Variants in PACRGL observed in about 807,000 individuals in gnomAD.
PACRGL encodes parkin coregulated like, also known as PACRG-like protein.
Under a neutral mutation model 34.5 loss-of-function variants are expected in PACRGL, and 38 were observed. The ratio of observed to expected loss-of-function variants is 1.10; its 90% CI spans 0.85 to 1.44. PACRGL has a LOEUF of 1.44. PACRGL is among the 40% of genes most tolerant of loss of function. PACRGL has a pLI of 0.00. For missense variants in PACRGL, 305 were observed against 281.4 expected, an observed-to-expected ratio of 1.08 and a Z score of -0.60; for synonymous variants, 128 against 100.1, an observed-to-expected ratio of 1.28 and a Z score of -1.66.
At chr4:20,696,543 C>T (rs992722479), upstream of PACRGL, 2 of 152,180 alleles carry the variant, frequency 1.3e-5, no homozygotes, top group Admixed American at 1.3e-4. Flanking sequence ...AAATTGAATA[C>T]TACTATGAAC....
chr4:20,704,944 T>C (rs963238900), intron 3 of PACRGL, 130 bp downstream of exon 3: 2 of 1,019,946 alleles, frequency 2.0e-6, no homozygotes, highest in Non-Finnish European at 2.9e-6. Flanking sequence ...GAAGGGCATG[T>C]GGTTATTATG....
rs149197141 is a variant in PACRGL at position 20,730,114 on chromosome 4, G to A, written c.*2773G>A. On this transcript the variant is annotated 3_prime_UTR_variant, in exon 9 of 9. Coordinates refer to ENST00000503585, the MANE Select transcript of PACRGL (RefSeq NM_001258345.3). ...ACATTTTCAAAGAGCTGCATGGAGC[G>A]CATTATGTTTTCATCCTGTAAGGGA... 43 of 1,607,710 alleles carry A rather than the reference G, an allele frequency of 2.7e-5. No homozygotes were observed. The highest frequency in any genetic ancestry group is 8.0e-5 in the African/African-American group (6 of 74,636).
intron 7 of PACRGL, among the ~76,000 whole-genome samples, chr4:20,723,579 G>T (rs1240610271): frequency 6.6e-6 from 1 of 152,130 alleles, no homozygotes; most frequent in Admixed American, 6.5e-5. Context: ...GTCAAGCAAG[G>T]CTTCCTAAAT....
At chr4:20,745,675 A>G (rs987036844) in intron 8 of PACRGL, among the ~76,000 whole-genome samples, 3 of 152,142 alleles carry the variant, frequency 2.0e-5, no homozygotes, top group Non-Finnish European at 4.4e-5. Context: ...TATCAAGGCA[A>G]AAGGAGAAAG....
At position 20,729,094 on chromosome 4, in the gene PACRGL, T is replaced by TG. The variant is rs1225571049; in HGVS notation, c.*1757dup. Reference sequence around the variant, plus strand: ...CTTGCTGTTTGTTCTTAGTAGACAGTGGGGTAGTCAAGGTTTCTTTCTTTG... The same window carrying TG: ...CTTGCTGTTTGTTCTTAGTAGACAGTGGGGGTAGTCAAGGTTTCTTTCTTTG... On this transcript the variant is annotated 3_prime_UTR_variant, in exon 9 of 9. Transcript: ENST00000503585. The TG allele has an allele frequency of 6.6e-6, 1 of 152,492 alleles. No homozygotes were observed. Among genetic ancestry groups the TG allele is most frequent in the African/African-American group, 2.4e-5 (1 of 41,388 alleles). The allele number at this position is 152,492 out of a possible 1,614,324, so 9.4% of individuals were successfully genotyped here.
In PACRGL at chr4:20,729,173, G is replaced by GAGGAC. The variant is rs1222730657; in HGVS notation, c.*1835_*1839dup. On this transcript the variant is annotated 3_prime_UTR_variant, in exon 9 of 9. Transcript: ENST00000503585. ...CATGCTGTAAGGAAGTCAGGGGAAAGAGGACAGATTTGGCCTTTAATGCTG... is the reference window on the plus strand; with the variant it reads ...CATGCTGTAAGGAAGTCAGGGGAAAGAGGACAGGACAGATTTGGCCTTTAATGCTG... The GAGGAC allele has an allele frequency of 6.6e-6, 1 of 152,564 alleles. No individual in the cohort carries two copies. The highest frequency in any genetic ancestry group is 1.5e-5 in the Non-Finnish European group (1 of 68,024). The allele number at this position is 152,564 out of a possible 1,614,324, so 9.5% of individuals were successfully genotyped here.
chr4:20,763,335 T>C, the PACRGL span, among the ~76,000 whole-genome samples: 1 of 152,286 alleles, frequency 6.6e-6, no homozygotes, highest in African/African-American at 2.4e-5. Flanking sequence ...CTTATTCACA[T>C]AACAATCTTG....
At chr4:20,712,688 G>T in intron 5 of PACRGL, 100 bp from the exon 6 acceptor site, 1 of 1,057,940 alleles carries the variant, frequency 9.5e-7, no homozygotes, top group South Asian at 3.5e-5. Flanking sequence ...AAACAATAAT[G>T]AAATTTTTGA....
At chr4:20,752,790 A>C (rs894272323) in exon 9 of PACRGL, 1 of 152,244 alleles carries the variant, frequency 6.6e-6, no homozygotes, top group African/African-American at 2.4e-5. Flanking sequence ...CCAGCTAGGC[A>C]GAAAACTGGA....
At position 20,749,196 on chromosome 4, in the gene PACRGL, AG is replaced by A. The variant is rs535746263; in HGVS notation, c.*57-3368del. On this transcript the variant is annotated intron_variant, in intron 8 of 8. Transcript: ENST00000507634. The stretch of plus-strand genomic sequence containing the variant: ...AATACGTTCTCTACAGATCACTTAA[AG>A]TTTGTAATTTAAAAAGAGATTTCCT... Among the ~76,000 whole-genome samples the A allele has an allele frequency of 4.2e-3, 591 of 139,366 alleles. 6 individuals are homozygous for A. Among genetic ancestry groups the A allele is most frequent in the African/African-American group, 0.014 (554 of 38,702 alleles). 91.4% of individuals were successfully genotyped at this position (139,366 alleles called of 152,430 possible). A position where few individuals can be genotyped will look rare whatever the true frequency, so the allele number is the denominator to read the frequency against.
chr4:20,740,525 G>A (rs1750808360), intron 8 of PACRGL, among the ~76,000 whole-genome samples: 2 of 152,160 alleles, frequency 1.3e-5, no homozygotes. Context: ...AGCAAATGCT[G>A]AGAGATTTTG....
intron 8 of PACRGL, chr4:20,749,613 A>C (rs780303241): frequency 7.6e-7 from 1 of 1,315,732 alleles, no homozygotes; most frequent in Non-Finnish European, 1.1e-6. Context: ...CCCCCTAAAA[A>C]GACTAAACTC....
chr4:20,758,463 T>C, the PACRGL span, among the ~76,000 whole-genome samples: 357 of 152,218 alleles, frequency 2.3e-3, 8 homozygotes, highest in South Asian at 0.047. Context: ...GATAATTACA[T>C]TTTTCCTAAT....
intron 8 of PACRGL, among the ~76,000 whole-genome samples, chr4:20,741,520 A>G (rs373582447): frequency 2.6e-5 from 4 of 152,216 alleles, no homozygotes; most frequent in East Asian, 1.9e-4. Flanking sequence ...TTTGAAACCA[A>G]TGAGAACAAA....
intron 7 of PACRGL, 73 bp from the exon 8 acceptor site, chr4:20,724,735 G>A: frequency 1.3e-6 from 1 of 798,078 alleles, no homozygotes; most frequent in African/African-American, 1.8e-5. Context: ...TGCTCCTGAA[G>A]ATTTACTTAT....
intron 8 of PACRGL, 61 bp downstream of exon 8, chr4:20,724,949 A>G (rs1745000064): frequency 4.4e-6 from 4 of 919,534 alleles, no homozygotes; most frequent in Non-Finnish European, 6.0e-6. Context: ...TACTAAATTG[A>G]CATATATATA....
chr4:20,727,975 A>AGATGGGATC lies in PACRGL; in HGVS notation c.*635_*643dup, dbSNP rs1746456708. 6.6e-6 allele frequency: 1 copy of AGATGGGATC among 152,360 alleles called. No homozygotes were observed. Among genetic ancestry groups the AGATGGGATC allele is most frequent in the African/African-American group, 2.4e-5 (1 of 41,410 alleles). The allele number at this position is 152,360 out of a possible 1,614,324, so 9.4% of individuals were successfully genotyped here. A position where few individuals can be genotyped will look rare whatever the true frequency, so the allele number is the denominator to read the frequency against. ...AGCTAATTTTGAAATTTGCTTGTAG[A>AGATGGGATC]GATGGGATCTCACTCTGTTGTCCAG... is the stretch of plus-strand genomic sequence containing the variant. On this transcript the variant is annotated 3_prime_UTR_variant, in exon 9 of 9. Coordinates refer to ENST00000503585, the MANE Select transcript of PACRGL (RefSeq NM_001258345.3).
At chr4:20,708,311 A>T (rs1044170449) in intron 4 of PACRGL, among the ~76,000 whole-genome samples, 2 of 146,602 alleles carry the variant, frequency 1.4e-5, no homozygotes, top group African/African-American at 2.5e-5. Context: ...TCAGAACTTT[A>T]AAAAAAAAAT....
chr4:20,732,127 G>C lies in PACRGL; in HGVS notation c.*4786G>C, dbSNP rs1204618299. 2.6e-5 allele frequency: 30 copies of C among 1,149,704 alleles called. No individual in the cohort carries two copies. The highest frequency in any genetic ancestry group is 3.5e-5 in the Non-Finnish European group (27 of 771,978). 71.2% of individuals were successfully genotyped at this position (1,149,704 alleles called of 1,614,324 possible). A position where few individuals can be genotyped will look rare whatever the true frequency, so the allele number is the denominator to read the frequency against. ...CTTATCCCTTAATACCCTCACACCT[G>C]GACCAAATGAGCTGAAGCTGATAAA... is the stretch of plus-strand genomic sequence containing the variant. On this transcript the variant is annotated 3_prime_UTR_variant, in exon 9 of 9. Transcript: ENST00000503585.
Sources: allele counts gnomAD v4.1 joint callset (sites outside exome capture counted in the v4.1 genomes callset), GRCh38; gene constraint gnomAD v4.1.1; transcripts MANE v1.5; gene names NCBI Gene and HGNC (gene_info 2026-07-23, HGNC 2026-07-21).